The following BTBD16 variants were observed in gnomAD, a reference collection of about 807,000 sequenced individuals.
BTBD16 encodes BTB domain containing 16.
A neutral mutation model predicts 67.4 loss-of-function variants in BTBD16; 66 were observed. The ratio of observed to expected loss-of-function variants is 0.98; its 90% CI spans 0.80 to 1.20. BTBD16 has a LOEUF of 1.20. BTBD16 is among the 50% of genes most tolerant of loss of function. BTBD16 has a pLI of 0.00. For missense variants in BTBD16, 634 were observed against 616.0 expected, an observed-to-expected ratio of 1.03 and a Z score of -0.31; for synonymous variants, 242 against 236.4, an observed-to-expected ratio of 1.02 and a Z score of -0.22.
intron 10 of BTBD16, among the ~76,000 whole-genome samples, chr10:122,312,325 T>C (rs953879476): frequency 8.2e-4 from 119 of 144,354 alleles, no homozygotes; most frequent in Non-Finnish European, 9.7e-4. Context: ...TTTTTTTTTT[T>C]TTTTTTTGAG....
intron 10 of BTBD16, among the ~76,000 whole-genome samples, chr10:122,316,081 A>G (rs1352797233): frequency 2.0e-5 from 3 of 152,174 alleles, no homozygotes; most frequent in East Asian, 1.9e-4. Context: ...AGCCTGACCA[A>G]CATGGTGGAA....
At chr10:122,287,377 C>T (rs554937902) in intron 5 of BTBD16, 33 of 956,396 alleles carry the variant, frequency 3.5e-5, no homozygotes, top group Middle Eastern at 5.3e-4. Flanking sequence ...ATTAACGTTA[C>T]GGTCTTTAAC....
chr10:122,272,187 A>G (rs542847465), intron 1 of BTBD16, among the ~76,000 whole-genome samples: 32 of 152,348 alleles, frequency 2.1e-4, no homozygotes, highest in African/African-American at 7.5e-4. Flanking sequence ...AGGAAAACAC[A>G]CATTGCTGTA....
rs9664215 is a variant in BTBD16, at chr10:122,329,605, A to C, written c.1003+34A>C. 8,676 of 1,594,860 alleles carry C rather than the reference A, an allele frequency of 5.4e-3. 399 individuals are homozygous for C. The African/African-American group carries it at 0.097, about 18-fold the overall frequency. On this transcript the variant is annotated intron_variant, in intron 11 of 15. Coordinates refer to ENST00000260723, the MANE Select transcript of BTBD16 (RefSeq NM_144587.5). ...CAGTCCAGGCGAGCGCATCCACGGGAAAGCTGCTGGGCACCTGCCCACCCC... is the reference window on the plus strand; with the variant it reads ...CAGTCCAGGCGAGCGCATCCACGGGCAAGCTGCTGGGCACCTGCCCACCCC...
At position 122,307,192 on chromosome 10, in the gene BTBD16, A is replaced by G. The variant is rs143755383; in HGVS notation, c.795A>G (p.Leu265=). 5.8e-5 allele frequency: 92 copies of G among 1,594,068 alleles called. No individual in the cohort carries two copies. Among genetic ancestry groups the G allele is most frequent in the Non-Finnish European group, 1.0e-5 (12 of 1,173,848 alleles). The change falls in exon 10 of 16, where the codon TTA becomes TTG. Residue 265 remains leucine, a synonymous_variant. Transcript: ENST00000260723. ...TCAATCTTTTTATTTTGGCCAGGTT[A>G]TTTACCTTTAGTGAATTCCATCTTC... The part of the protein sequence containing the change: ...LLHKVLKSPR[L]FTFSEFHLLK...
chr10:122,327,537 G>A (rs770482677), intron 10 of BTBD16: 56 of 965,196 alleles, frequency 5.8e-5, no homozygotes, highest in Non-Finnish European at 6.8e-5. Context: ...ACTGTGGCTG[G>A]CTGGGCTGGG....
chr10:122,281,563 C>T (rs565567967), intron 3 of BTBD16, among the ~76,000 whole-genome samples: 33 of 152,290 alleles, frequency 2.2e-4, no homozygotes, highest in Admixed American at 2.2e-3. Context: ...CCATGCCAGG[C>T]TCCATCAGGG....
At chr10:122,335,080 C>T (rs2096461472) in intron 14 of BTBD16, 101 bp downstream of exon 14, 1 of 631,028 alleles carries the variant, frequency 1.6e-6, no homozygotes, top group Admixed American at 3.1e-5. Context: ...ATTAATTACT[C>T]ATTGACATGA....
chr10:122,331,545 G>A (rs1233002378), intron 12 of BTBD16, among the ~76,000 whole-genome samples: 1 of 152,170 alleles, frequency 6.6e-6, no homozygotes, highest in Non-Finnish European at 1.5e-5. Flanking sequence ...TAATAAATGA[G>A]CATGTCTCTC....
At chr10:122,281,317 G>A (rs2096352649) in intron 3 of BTBD16, among the ~76,000 whole-genome samples, 1 of 152,134 alleles carries the variant, frequency 6.6e-6, no homozygotes, top group Non-Finnish European at 1.5e-5. Flanking sequence ...TTATTATCAG[G>A]CATTCATGTG....
chr10:122,299,847 G>C (rs1305826804), intron 9 of BTBD16, among the ~76,000 whole-genome samples: 1 of 152,038 alleles, frequency 6.6e-6, no homozygotes, highest in African/African-American at 2.4e-5. Context: ...TTCTGGTCTG[G>C]ACCCCCTTCT....
At chr10:122,302,861 C>T (rs551915834) in intron 9 of BTBD16, among the ~76,000 whole-genome samples, 6 of 151,994 alleles carry the variant, frequency 3.9e-5, no homozygotes, top group East Asian at 1.9e-4. Flanking sequence ...TAGGAAATGA[C>T]GGGATCAGCT....
At chr10:122,281,158 A>G (rs2096352189) in intron 3 of BTBD16, among the ~76,000 whole-genome samples, 1 of 152,180 alleles carries the variant, frequency 6.6e-6, no homozygotes, top group Admixed American at 6.5e-5. Context: ...TTGCTCTGAG[A>G]TAATTATCCC....
At chr10:122,301,420 CG>C (rs1342674011) in intron 9 of BTBD16, among the ~76,000 whole-genome samples, 1 of 152,136 alleles carries the variant, frequency 6.6e-6, no homozygotes, top group Non-Finnish European at 1.5e-5. Flanking sequence ...CCTGCTCCTC[CG>C]GCCCCTCCCC....
chr10:122,283,819 T>C, intron 3 of BTBD16, 32 bp from the exon 4 acceptor site: 1 of 1,575,634 alleles, frequency 6.3e-7, no homozygotes, highest in Non-Finnish European at 8.7e-7. Flanking sequence ...CAGTATTAAC[T>C]CCTGGATTTT....
intron 9 of BTBD16, among the ~76,000 whole-genome samples, chr10:122,299,419 A>G (rs2096389863): frequency 6.6e-6 from 1 of 152,160 alleles, no homozygotes; most frequent in African/African-American, 2.4e-5. Flanking sequence ...TACCTAAGTA[A>G]TTTTTAGAAA....
intron 10 of BTBD16, among the ~76,000 whole-genome samples, chr10:122,328,510 C>T (rs528676039): frequency 2.6e-4 from 40 of 152,324 alleles, no homozygotes; most frequent in Non-Finnish European, 4.3e-4. Flanking sequence ...TGAAAATAAA[C>T]GGTTCCGGGA....
intron 10 of BTBD16, 36 bp downstream of exon 10, chr10:122,307,344 A>G (rs779361333): frequency 3.8e-5 from 59 of 1,560,346 alleles, no homozygotes; most frequent in Non-Finnish European, 4.9e-5. Context: ...GAAATACACA[A>G]ATACTGAAAT....
intron 5 of BTBD16, among the ~76,000 whole-genome samples, chr10:122,286,913 C>G (rs2096364855): frequency 6.6e-6 from 1 of 152,176 alleles, no homozygotes; most frequent in Admixed American, 6.5e-5. Context: ...TCCCCTCGGG[C>G]TGACTCATAA....
Sources: allele counts gnomAD v4.1 joint callset (sites outside exome capture counted in the v4.1 genomes callset), GRCh38; gene constraint gnomAD v4.1.1; transcripts MANE v1.5; gene names NCBI Gene and HGNC (gene_info 2026-07-23, HGNC 2026-07-21).